Variants in DLG2 observed in about 807,000 individuals in gnomAD.
DLG2 encodes discs large MAGUK scaffold protein 2, also known as disks large homolog 2.
A neutral mutation model predicts 132.5 loss-of-function variants in DLG2; 45 were observed. That is an observed-to-expected ratio of 0.34 (90% CI 0.27 to 0.44). The LOEUF (loss-of-function observed/expected upper bound fraction) is 0.44, where lower values mean the gene tolerates loss of function less well. Among genes scored for constraint, DLG2 ranks in the 20% least tolerant of loss-of-function variants. DLG2 has a pLI of 1.00. For synonymous variants in DLG2, 424 were observed against 419.6 expected (o/e 1.01, Z -0.13); for missense variants, 1,045 against 1,196.9 (o/e 0.87, Z 1.87).
intron 11 of DLG2, among the ~76,000 whole-genome samples, chr11:84,024,047 G>C (rs1285085871): frequency 2.0e-5 from 3 of 152,084 alleles, no homozygotes; most frequent in Non-Finnish European, 2.9e-5. Context: ...CTAGTAGGCT[G>C]TTCATAGTTA....
chr11:85,125,375 T>G (rs349075), intron 5 of DLG2, among the ~76,000 whole-genome samples: 22,083 of 152,192 alleles, frequency 0.15, 1,867 homozygotes, highest in East Asian at 0.36. Context: ...TACAGATGTG[T>G]TAACAGATGA....
intron 6 of DLG2, among the ~76,000 whole-genome samples, chr11:84,808,851 A>G (rs1170821379): frequency 6.6e-6 from 1 of 151,984 alleles, no homozygotes. Flanking sequence ...TTAGGCTCAG[A>G]TGATTTTACT....
chr11:83,901,822 G>GGTAGTAA (rs2073520991), intron 15 of DLG2, among the ~76,000 whole-genome samples: 1 of 152,026 alleles, frequency 6.6e-6, no homozygotes, highest in African/African-American at 2.4e-5. Flanking sequence ...TGGTTACCTT[G>GGTAGTAA]GTAAGTCCAC....
chr11:84,580,096 C>A (rs143956400), intron 6 of DLG2, among the ~76,000 whole-genome samples: 13 of 152,148 alleles, frequency 8.5e-5, no homozygotes, highest in African/African-American at 2.9e-4. Flanking sequence ...GGGGGAGGAA[C>A]TGGGCTACTG....
chr11:85,004,705 G>T (rs1363035638), intron 6 of DLG2, among the ~76,000 whole-genome samples: 2 of 151,966 alleles, frequency 1.3e-5, no homozygotes, highest in African/African-American at 4.8e-5. Context: ...TAATTATTTT[G>T]CTATGCAGAA....
chr11:84,117,531 A>G (rs939394560), intron 9 of DLG2, among the ~76,000 whole-genome samples: 2 of 152,144 alleles, frequency 1.3e-5, no homozygotes, highest in Non-Finnish European at 2.9e-5. Context: ...TTCCATTTCT[A>G]AGCCTTCTTT....
chr11:83,751,568 G>A (rs2093314119), intron 18 of DLG2, among the ~76,000 whole-genome samples: 1 of 152,172 alleles, frequency 6.6e-6, no homozygotes, highest in African/African-American at 2.4e-5. Context: ...AAATGAGGAT[G>A]CTAAGAAATA....
intron 3 of DLG2, among the ~76,000 whole-genome samples, chr11:85,418,059 T>A (rs541553252): frequency 6.6e-6 from 1 of 152,326 alleles, no homozygotes; most frequent in South Asian, 2.1e-4. Context: ...TTTCTCACTT[T>A]CTCCTGTGGA....
chr11:84,142,839 C>A (rs1204205944), intron 9 of DLG2, among the ~76,000 whole-genome samples: 1 of 152,016 alleles, frequency 6.6e-6, no homozygotes, highest in African/African-American at 2.4e-5. Flanking sequence ...TTAATTGTAC[C>A]ACTGACTTTC....
At chr11:83,980,918 TTTATA>T (rs1192592927) in intron 11 of DLG2, among the ~76,000 whole-genome samples, 1 of 152,166 alleles carries the variant, frequency 6.6e-6, no homozygotes, top group Non-Finnish European at 1.5e-5. Flanking sequence ...AGCTATCCTG[TTTATA>T]AGGGTAACTG....
At chr11:83,503,753 A>G (rs2094565460) in intron 21 of DLG2, among the ~76,000 whole-genome samples, 1 of 152,056 alleles carries the variant, frequency 6.6e-6, no homozygotes, top group African/African-American at 2.4e-5. Flanking sequence ...ACTGACTCAA[A>G]TGTTAATCTC....
intron 10 of DLG2, among the ~76,000 whole-genome samples, chr11:84,083,950 C>G (rs1427244536): frequency 6.6e-6 from 1 of 152,074 alleles, no homozygotes; most frequent in Non-Finnish European, 1.5e-5. Context: ...GGAAAGTCTA[C>G]AAGATCCCAG....
At chr11:84,122,981 A>T (rs2093998715) in intron 9 of DLG2, among the ~76,000 whole-genome samples, 1 of 152,182 alleles carries the variant, frequency 6.6e-6, no homozygotes, top group African/African-American at 2.4e-5. Flanking sequence ...AGAAGAGTGG[A>T]AGGAGAGCAA....
In DLG2 at chr11:85,125,806, T is replaced by TACAC. The variant is rs71465021; in HGVS notation, c.283-14075_283-14072dup. ...AGTACCTTCAATGTCCCAGACATTA[T>TACAC]ACACACACACACACACACACACACA... On this transcript the variant is annotated intron_variant, in intron 5 of 27. Coordinates refer to ENST00000376104, the MANE Select transcript of DLG2 (RefSeq NM_001142699.3). Among the ~76,000 whole-genome samples, 876 of 148,618 alleles carry TACAC rather than the reference T, an allele frequency of 5.9e-3. 12 individuals are homozygous for TACAC. The highest frequency in any genetic ancestry group is 6.9e-3 in the Non-Finnish European group (461 of 66,964).
At position 84,309,227 on chromosome 11, in the gene DLG2, A is replaced by T. The variant is rs541201135; in HGVS notation, c.520-57936T>A. 1.3e-5 allele frequency among the ~76,000 whole-genome samples: 2 copies of T among 152,322 alleles called. 1 individual carries two copies. Among genetic ancestry groups the T allele is most frequent in the African/African-American group, 4.8e-5 (2 of 41,588 alleles). ...AGTTGGAAGAAAAACATTAAAAAAT[A>T]ATTTCTAGGGGCTCTCCTCTCTCCG... On this transcript the variant is annotated intron_variant, in intron 7 of 27. Transcript: ENST00000376104.
chr11:83,984,213 GAT>G (rs1252492092), intron 11 of DLG2, among the ~76,000 whole-genome samples: 68 of 151,432 alleles, frequency 4.5e-4, no homozygotes, highest in African/African-American at 1.6e-3. Context: ...TAGATAGATA[GAT>G]AGATAGATAG....
intron 3 of DLG2, among the ~76,000 whole-genome samples, chr11:85,422,841 C>G (rs566007881): frequency 6.6e-6 from 1 of 152,198 alleles, no homozygotes; most frequent in Non-Finnish European, 1.5e-5. Flanking sequence ...TCTCCCTTCA[C>G]TTCTTGTATC....
chr11:84,906,381 A>AACACACACAC lies in DLG2; in HGVS notation c.357+205270_357+205279dup, dbSNP rs35833007. ...GTTGTCCATTACCCACAGCAAGGCTAACACACACACACACACACACACACA... is the reference window on the plus strand; with the variant it reads ...GTTGTCCATTACCCACAGCAAGGCTAACACACACACACACACACACACACACACACACACA... On this transcript the variant is annotated intron_variant, in intron 6 of 27. Transcript: ENST00000376104. Among the ~76,000 whole-genome samples, 603 of 144,252 alleles carry AACACACACAC rather than the reference A, an allele frequency of 4.2e-3. 3 individuals carry two copies. Among genetic ancestry groups the AACACACACAC allele is most frequent in the African/African-American group, 7.4e-3 (288 of 39,058 alleles). 94.6% of individuals were successfully genotyped at this position (144,252 alleles called of 152,430 possible). A position where few individuals can be genotyped will look rare whatever the true frequency, so the allele number is the denominator to read the frequency against.
intron 18 of DLG2, among the ~76,000 whole-genome samples, chr11:83,753,892 T>TA (rs2093527038): frequency 8.0e-6 from 1 of 124,944 alleles, no homozygotes; most frequent in African/African-American, 3.4e-5. Context: ...ATCATATATA[T>TA]CATATATATA....
Sources: allele counts gnomAD v4.1 joint callset (sites outside exome capture counted in the v4.1 genomes callset), GRCh38; gene constraint gnomAD v4.1.1; transcripts MANE v1.5; gene names NCBI Gene and HGNC (gene_info 2026-07-23, HGNC 2026-07-21).